The following AKR1C3 variants were observed in gnomAD, a reference collection of about 807,000 sequenced individuals.
The protein encoded by AKR1C3 is aldo-keto reductase family 1 member C3.
In AKR1C3, 48 loss-of-function variants were observed where a neutral mutation model predicts 43.6. The observed-to-expected ratio is 1.10, with a 90% CI of 0.87 to 1.40. The LOEUF (loss-of-function observed/expected upper bound fraction) is 1.40, where lower values mean the gene tolerates loss of function less well. Among genes scored for constraint, AKR1C3 ranks in the 40% most tolerant of loss-of-function variants. AKR1C3 has a pLI of 0.00. For missense variants in AKR1C3, 482 were observed against 391.2 expected (o/e 1.23, Z -1.96); for synonymous variants, 162 against 139.6 (o/e 1.16, Z -1.13).
chr10:5,094,688 G>T (rs1266947923), intron 1 of AKR1C3, among the ~76,000 whole-genome samples, 160 bp downstream of exon 1: 1 of 152,078 alleles, frequency 6.6e-6, no homozygotes, highest in Non-Finnish European at 1.5e-5. Context: ...TCCTTGTTCT[G>T]CATTGAGGTC....
chr10:5,053,287 C>G (rs1838190906), intron 1 of AKR1C3, among the ~76,000 whole-genome samples: 1 of 152,206 alleles, frequency 6.6e-6, no homozygotes, highest in Admixed American at 6.5e-5. Context: ...CGAGCCCTGC[C>G]CCATGGGGAG....
chr10:5,066,695 A>G (rs1419298091), intron 1 of AKR1C3, among the ~76,000 whole-genome samples: 1 of 152,196 alleles, frequency 6.6e-6, no homozygotes, highest in Non-Finnish European at 1.5e-5. Context: ...TAAAGAGTCT[A>G]CTCACTTAAC....
At chr10:5,103,374 T>TA in intron 7 of AKR1C3, among the ~76,000 whole-genome samples, 1 of 152,346 alleles carries the variant, frequency 6.6e-6, no homozygotes, top group South Asian at 2.1e-4. Context: ...GTCTTTTTTT[T>TA]AAGTATAGGA....
chr10:5,090,972 T>G (rs1287410443), upstream of AKR1C3, among the ~76,000 whole-genome samples: 1 of 152,004 alleles, frequency 6.6e-6, no homozygotes, highest in African/African-American at 2.4e-5. Context: ...CTTTACAAAG[T>G]CAAGAATGTT....
intron 1 of AKR1C3, among the ~76,000 whole-genome samples, chr10:5,053,295 G>A (rs1588328883): frequency 6.6e-6 from 1 of 152,354 alleles, no homozygotes; most frequent in Non-Finnish European, 1.5e-5. Flanking sequence ...GCCCCATGGG[G>A]AGGCAGCTAA....
At chr10:5,074,165 T>A (rs1334375223) in intron 1 of AKR1C3, among the ~76,000 whole-genome samples, 1 of 152,180 alleles carries the variant, frequency 6.6e-6, no homozygotes, top group African/African-American at 2.4e-5. Context: ...ATCATACATG[T>A]GTTGATTGAT....
At chr10:5,077,698 C>T (rs1398860904) in intron 1 of AKR1C3, 8 of 1,138,930 alleles carry the variant, frequency 7.0e-6, no homozygotes, top group African/African-American at 3.2e-5. Flanking sequence ...TTGAAACTAA[C>T]CAAACATTTA....
intron 8 of AKR1C3, among the ~76,000 whole-genome samples, chr10:5,107,069 A>C (rs1247325330): frequency 6.6e-6 from 1 of 152,160 alleles, no homozygotes; most frequent in Admixed American, 6.5e-5. Flanking sequence ...AGCTCCTTGG[A>C]TATTAGACCC....
intron 3 of AKR1C3, chr10:5,098,275 G>A (rs538717118): frequency 1.2e-6 from 1 of 846,060 alleles, no homozygotes; most frequent in Admixed American, 6.2e-5. Context: ...TATTATTGTT[G>A]ACCCAAACTT....
At chr10:5,086,171 G>C (rs1554783056) in intron 1 of AKR1C3, among the ~76,000 whole-genome samples, 1 of 151,774 alleles carries the variant, frequency 6.6e-6, no homozygotes, top group Non-Finnish European at 1.5e-5. Context: ...TGATGTTAGG[G>C]TGTCAGTTTT....
chr10:5,066,097 A>G (rs1838495193), intron 1 of AKR1C3, among the ~76,000 whole-genome samples: 1 of 152,202 alleles, frequency 6.6e-6, no homozygotes, highest in South Asian at 2.1e-4. Flanking sequence ...GAATTGGGTT[A>G]AAACATTTAT....
chr10:5,096,499 G>A lies in AKR1C3; in HGVS notation c.174G>A (p.Glu58=), dbSNP rs1263948473. The A allele has an allele frequency of 1.9e-6, 3 of 1,613,750 alleles. No homozygotes were observed. In the African/African-American group the frequency reaches 4.0e-5, roughly 22 times the overall value. ...ATTCTGCTCATTTATACAATAATGA[G>A]GAGCAGGTTGGACTGGCCATCCGAA... The part of the protein sequence containing the change: ...HIDSAHLYNN[E]EQVGLAIRSK... The change falls in exon 2 of 9, where the codon GAG becomes GAA. Residue 58 remains glutamate (E), a synonymous_variant. Coordinates refer to ENST00000380554, the MANE Select transcript of AKR1C3 (RefSeq NM_003739.6).
In AKR1C3 at chr10:5,051,097, G is replaced by T. The variant is rs570832345; in HGVS notation, c.84+2202G>T. ...TTTGACTGTGTGTGTGTTTTGTTTT[G>T]TTGTTTGTTTGTTTTGAGGCAGAGT... On this transcript the variant is annotated intron_variant, in intron 1 of 8. Coordinates refer to the AKR1C3 transcript ENST00000439082. Among the ~76,000 whole-genome samples the T allele has an allele frequency of 2.0e-3, 300 of 152,202 alleles. 2 individuals are homozygous for T. Among genetic ancestry groups the T allele is most frequent in the African/African-American group, 6.4e-3 (264 of 41,512 alleles).
At position 5,053,813 on chromosome 10, in the gene AKR1C3, C is replaced by A. The variant is rs1838206514; in HGVS notation, c.84+4918C>A. Among the ~76,000 whole-genome samples, 5 of 152,210 alleles carry A rather than the reference C, an allele frequency of 3.3e-5. No individual in the cohort carries two copies. In the South Asian group the frequency reaches 1.0e-3, roughly 32 times the overall value. ...TTCTCCAGGCCAGGGGAAGTGCCAG[C>A]AGGTTGGTCCAGGGGTCCTTGGTAG... On this transcript the variant is annotated intron_variant, in intron 1 of 8. Coordinates refer to the AKR1C3 transcript ENST00000439082.
At chr10:5,058,057 A>C (rs989592318) in intron 1 of AKR1C3, among the ~76,000 whole-genome samples, 71 of 152,286 alleles carry the variant, frequency 4.7e-4, no homozygotes, top group African/African-American at 1.6e-3. Flanking sequence ...TACAGCTTGA[A>C]GGGGACATAA....
chr10:5,085,340 G>A (rs1293695175), intron 1 of AKR1C3, among the ~76,000 whole-genome samples: 3 of 151,890 alleles, frequency 2.0e-5, no homozygotes, highest in Admixed American at 1.3e-4. Context: ...TAATCATGTG[G>A]TTTTTGTCTT....
chr10:5,055,454 C>T (rs983480451), intron 1 of AKR1C3, among the ~76,000 whole-genome samples: 2 of 152,176 alleles, frequency 1.3e-5, no homozygotes, highest in Non-Finnish European at 2.9e-5. Flanking sequence ...CCTTTGGCAC[C>T]TAGTATGCCA....
chr10:5,105,886 C>T (rs1169938335), intron 8 of AKR1C3, among the ~76,000 whole-genome samples: 1 of 152,202 alleles, frequency 6.6e-6, no homozygotes, highest in African/African-American at 2.4e-5. Context: ...TGCCTCTGCT[C>T]TCCTGACTCC....
intron 5 of AKR1C3, among the ~76,000 whole-genome samples, chr10:5,101,680 A>G (rs541604567): frequency 1.3e-5 from 2 of 152,260 alleles, no homozygotes; most frequent in East Asian, 3.9e-4. Flanking sequence ...TTGATGCTGA[A>G]ATCTATCCAA....
Sources: allele counts gnomAD v4.1 joint callset (sites outside exome capture counted in the v4.1 genomes callset), GRCh38; gene constraint gnomAD v4.1.1; transcripts MANE v1.5; gene names NCBI Gene and HGNC (gene_info 2026-07-23, HGNC 2026-07-21).